Variants in SPINK5 observed in about 807,000 individuals in gnomAD.
SPINK5 encodes the protein serine peptidase inhibitor Kazal type 5.
Under a neutral mutation model 151.8 loss-of-function variants are expected in SPINK5, and 125 were observed. The ratio of observed to expected loss-of-function variants is 0.82; its 90% CI spans 0.71 to 0.96. SPINK5 has a LOEUF of 0.96. SPINK5 is among the 40% of genes least tolerant of loss of function. The pLI is 0.00. For synonymous variants in SPINK5, 374 were observed against 395.3 expected (o/e 0.95, Z 0.64); for missense variants, 1,194 against 1,291.9 (o/e 0.92, Z 1.16).
At chr5:148,101,334 T>C (rs369941642) in intron 13 of SPINK5, 21 bp from the exon 14 acceptor site, 1 of 1,561,652 alleles carries the variant, frequency 6.4e-7, no homozygotes, top group African/African-American at 1.3e-5. Flanking sequence ...TACTTATCTC[T>C]TCTTAACCAT....
At chr5:148,074,979 C>A (rs1433553807) in intron 4 of SPINK5, among the ~76,000 whole-genome samples, 2 of 151,476 alleles carry the variant, frequency 1.3e-5, no homozygotes, top group Non-Finnish European at 3.0e-5. Flanking sequence ...AATCTTATGT[C>A]AGACAACTTT....
chr5:148,097,829 CAG>C, intron 10 of SPINK5, 36 bp from the exon 11 acceptor site: 2 of 1,571,044 alleles, frequency 1.3e-6, no homozygotes, highest in Non-Finnish European at 1.7e-6. Flanking sequence ...ACATAGAAAA[CAG>C]AACTATATCT....
intron 31 of SPINK5, among the ~76,000 whole-genome samples, chr5:148,132,111 G>A (rs114487174): frequency 0.01 from 1,561 of 152,178 alleles, 39 homozygotes; most frequent in African/African-American, 0.036. Context: ...CTTATTATTG[G>A]CTTTAGTTTT....
chr5:148,093,386 A>G (rs575866961), intron 8 of SPINK5, among the ~76,000 whole-genome samples: 1 of 151,984 alleles, frequency 6.6e-6, no homozygotes, highest in Admixed American at 6.6e-5. Flanking sequence ...AGCTTTTCTA[A>G]ATGAGTATCA....
chr5:148,095,850 CAG>C lies in SPINK5; in HGVS notation c.829_830del (p.Asp277SerfsTer7). 6.2e-7 allele frequency: 1 copy of C among 1,612,114 alleles called. No individual in the cohort carries two copies. Among genetic ancestry groups the C allele is most frequent in the Non-Finnish European group, 8.5e-7 (1 of 1,178,900 alleles). The stretch of plus-strand genomic sequence containing the variant: ...CGTTTTTCAGAGGAAAACAGTAAAA[CAG>C]ATCAAAATTTGGGAAAAGCTGAAGA... On this transcript the variant is annotated frameshift_variant, in exon 10 of 33. Coordinates refer to ENST00000256084, the MANE Select transcript of SPINK5 (RefSeq NM_006846.4). LOFTEE classifies it high-confidence loss of function.
chr5:148,132,727 G>A (rs1754603250), intron 31 of SPINK5, among the ~76,000 whole-genome samples: 2 of 151,838 alleles, frequency 1.3e-5, no homozygotes, highest in Non-Finnish European at 2.9e-5. Context: ...TCCTTAAATT[G>A]TCAAAGACCA....
At chr5:148,123,751 T>G in intron 26 of SPINK5, 82 bp from the exon 27 acceptor site, 1 of 1,589,982 alleles carries the variant, frequency 6.3e-7, no homozygotes, top group Non-Finnish European at 8.6e-7. Flanking sequence ...TGTTATGAGT[T>G]TATATCTAAT....
At chr5:148,091,256 T>A in intron 8 of SPINK5, 28 bp downstream of exon 8, 1 of 1,602,666 alleles carries the variant, frequency 6.2e-7, no homozygotes, top group Non-Finnish European at 8.5e-7. Flanking sequence ...CGCAATTTTG[T>A]TCTTGTGGCC....
chr5:148,102,021 C>CG, intron 15 of SPINK5, 113 bp downstream of exon 15: 1 of 1,475,232 alleles, frequency 6.8e-7, no homozygotes, highest in Non-Finnish European at 9.3e-7. Context: ...AGCATTCAGT[C>CG]TTGGGTGTCA....
chr5:148,122,073 T>C (rs1754283861), intron 26 of SPINK5, among the ~76,000 whole-genome samples: 1 of 152,034 alleles, frequency 6.6e-6, no homozygotes, highest in Admixed American at 6.6e-5. Context: ...TTAAATAAGG[T>C]TTACCAATAA....
intron 11 of SPINK5, among the ~76,000 whole-genome samples, chr5:148,098,518 CTTATAT>C (rs754645532): frequency 2.0e-5 from 3 of 152,038 alleles, no homozygotes; most frequent in Non-Finnish European, 4.4e-5. Context: ...AAGTATTTAA[CTTATAT>C]TTAGAATCTA....
chr5:148,102,599 G>A (rs1463713336), intron 15 of SPINK5, among the ~76,000 whole-genome samples: 2 of 152,072 alleles, frequency 1.3e-5, no homozygotes, highest in Admixed American at 1.3e-4. Context: ...CATTCACCCA[G>A]AGAAGAGAAT....
chr5:148,112,950 G>T lies in SPINK5; in HGVS notation c.1887+16G>T. On this transcript the variant is annotated intron_variant, in intron 20 of 32. Coordinates refer to ENST00000256084, the MANE Select transcript of SPINK5 (RefSeq NM_006846.4). ...AGCTGAAAAGGTAGTAATCCTGAAT[G>T]TTTATACTGCAATGAAAGGATGAGA... 1 of 1,613,382 alleles carries T rather than the reference G, an allele frequency of 6.2e-7. No homozygotes were observed. Among genetic ancestry groups the T allele is most frequent in the South Asian group, 1.1e-5 (1 of 91,038 alleles).
chr5:148,125,007 G>A, intron 28 of SPINK5, 170 bp downstream of exon 28: 1 of 974,694 alleles, frequency 1.0e-6, no homozygotes, highest in East Asian at 3.5e-5. Context: ...GGGTTTGGGG[G>A]TTTGATACCT....
chr5:148,130,422 A>G (rs573961134), intron 30 of SPINK5, among the ~76,000 whole-genome samples: 11 of 152,136 alleles, frequency 7.2e-5, no homozygotes, highest in African/African-American at 1.9e-4. Flanking sequence ...TTAATATTCT[A>G]TGTAATTACT....
intron 27 of SPINK5, among the ~76,000 whole-genome samples, 171 bp from the exon 28 acceptor site, chr5:148,124,594 T>G (rs1754379412): frequency 6.6e-6 from 1 of 152,156 alleles, no homozygotes; most frequent in Admixed American, 6.5e-5. Context: ...TCATGAAAAT[T>G]CCAACAATCA....
intron 30 of SPINK5, among the ~76,000 whole-genome samples, chr5:148,127,679 C>CT (rs1188413715): frequency 6.6e-6 from 1 of 151,908 alleles, no homozygotes. Context: ...TGGTGAAACT[C>CT]TGTCTCTAGA....
intron 24 of SPINK5, 53 bp from the exon 25 acceptor site, chr5:148,119,956 A>AT: frequency 1.9e-6 from 3 of 1,602,694 alleles, no homozygotes; most frequent in Non-Finnish European, 2.6e-6. Flanking sequence ...CTCAAATCCA[A>AT]TCAAATATTA....
At chr5:148,095,654 G>C (rs762883466) in intron 9 of SPINK5, among the ~76,000 whole-genome samples, 164 bp from the exon 10 acceptor site, 1 of 151,842 alleles carries the variant, frequency 6.6e-6, no homozygotes, top group Non-Finnish European at 1.5e-5. Context: ...GGAAGTAAAT[G>C]GTATAAAGGT....
Sources: allele counts gnomAD v4.1 joint callset (sites outside exome capture counted in the v4.1 genomes callset), GRCh38; gene constraint gnomAD v4.1.1; transcripts MANE v1.5; gene names NCBI Gene and HGNC (gene_info 2026-07-23, HGNC 2026-07-21).